PCM1: variants seen among roughly 807,000 people sequenced by gnomAD.
The protein encoded by PCM1 is pericentriolar material 1 protein.
A neutral mutation model predicts 241.9 loss-of-function variants in PCM1; 157 were observed. The ratio of observed to expected loss-of-function variants is 0.65; its 90% CI spans 0.57 to 0.74. The LOEUF is 0.74. Among genes scored for constraint, PCM1 ranks in the 30% least tolerant of loss-of-function variants. The pLI is 0.00. For synonymous variants in PCM1, 1,085 were observed against 784.9 expected, an observed-to-expected ratio of 1.38 and a Z score of -6.39; for missense variants, 3,478 against 2,360.1, an observed-to-expected ratio of 1.47 and a Z score of -9.81.
Position 17,938,842 on chromosome 8 carries a change from A to C in PCM1, c.445A>C (p.Asn149His). ...KPFNFLPMQI[N>H]TNKSKDASTN... ...CTTCAACTTTTTGCCTATGCAGATT[A>C]ATACTAACAAGAGCAAAGATGCATC... Residue 149 changes from asparagine (N) to histidine (H), a missense_variant, in exon 5 of 39, where the codon AAT (asparagine) becomes CAT (histidine). Transcript: ENST00000325083. The C allele has an allele frequency of 6.2e-7, 1 of 1,613,600 alleles. No homozygotes were observed. The highest frequency in any genetic ancestry group is 8.5e-7 in the Non-Finnish European group (1 of 1,179,480).
chr8:17,991,570 A>G lies in PCM1; in HGVS notation c.4560A>G (p.Ala1520=), dbSNP rs1489794576. Residue 1520 remains alanine (A), a synonymous_variant, in exon 28 of 39, where the codon GCA becomes GCG. Transcript: ENST00000325083. ...LGNTVIHLDQ[A]LARMREYERM... is the part of the protein sequence containing the mutation. The stretch of plus-strand genomic sequence containing the variant: ...ACACCGTGATTCACTTAGATCAAGC[A>G]TTAGCCAGAATGAGAGAATATGAGC... 6.9e-6 allele frequency: 11 copies of G among 1,602,580 alleles called. No individual in the cohort carries two copies. The highest frequency in any genetic ancestry group is 1.3e-5 in the African/African-American group (1 of 74,782).
Position 17,960,380 on chromosome 8 carries a change from G to C in PCM1, c.2258G>C (p.Arg753Thr). The change falls in exon 15 of 39, where the codon AGA becomes ACA. Residue 753 changes from arginine to threonine, a missense_variant. Arg to Thr is a moderately conservative substitution (Grantham distance 71, BLOSUM62 -1). Transcript: ENST00000325083. ...QRELKQLQEERKKLIDIQEKI... is the reference protein window; with the variant it reads ...QRELKQLQEETKKLIDIQEKI... ...GAGCTAAAACAATTGCAGGAAGAAA[G>C]AAAGAAACTGATTGACATTCAGGAG... 1 of 1,608,738 alleles carries C rather than the reference G, an allele frequency of 6.2e-7. No homozygotes were observed. Among genetic ancestry groups the C allele is most frequent in the Non-Finnish European group, 8.5e-7 (1 of 1,178,250 alleles).
At chr8:17,950,781 G>T in intron 8 of PCM1, 57 bp downstream of exon 8, 2 of 970,422 alleles carry the variant, frequency 2.1e-6, no homozygotes, top group South Asian at 2.8e-5. Context: ...TTAGAACAGT[G>T]ATTCAGAAAC....
chr8:17,991,292 C>G (rs959283435), intron 27 of PCM1, among the ~76,000 whole-genome samples: 2 of 152,022 alleles, frequency 1.3e-5, no homozygotes, highest in African/African-American at 4.8e-5. Context: ...ATTGAACTGT[C>G]TGTGAAAGCT....
At chr8:18,008,815 T>G (rs1252027056) in intron 30 of PCM1, among the ~76,000 whole-genome samples, 1 of 152,180 alleles carries the variant, frequency 6.6e-6, no homozygotes, top group Non-Finnish European at 1.5e-5. Context: ...TGATCTTTCC[T>G]AGTCATTTAC....
At chr8:18,019,936 C>T (rs1226023390) in intron 36 of PCM1, among the ~76,000 whole-genome samples, 1 of 152,122 alleles carries the variant, frequency 6.6e-6, no homozygotes, top group Non-Finnish European at 1.5e-5. Context: ...TCCCTAGGCC[C>T]ACAACTAAGG....
At chr8:17,927,306 T>A (rs868317364) in intron 2 of PCM1, 2 of 151,836 alleles carry the variant, frequency 1.3e-5, no homozygotes, top group African/African-American at 2.4e-5. Flanking sequence ...AATATTTGCG[T>A]TTTTAGTAGA....
Position 17,962,180 on chromosome 8 carries a change from G to A in PCM1, c.2463+6G>A, listed in dbSNP as rs1260448973. 4 of 1,596,140 alleles carry A rather than the reference G, an allele frequency of 2.5e-6. No individual in the cohort carries two copies. Among genetic ancestry groups the A allele is most frequent in the South Asian group, 2.3e-5 (2 of 88,786 alleles). On this transcript the variant is annotated splice_donor_region_variant and intron_variant, in intron 16 of 38. Transcript: ENST00000325083. ...CTTCAATAGTAGATAATGAGGTATT[G>A]TAAATTGTACTCTCTTGTTCCTGAG...
At chr8:17,949,042 C>T (rs146991216) in intron 7 of PCM1, among the ~76,000 whole-genome samples, 6 of 152,062 alleles carry the variant, frequency 3.9e-5, no homozygotes, top group Admixed American at 1.3e-4. Context: ...GGTCTTGTTT[C>T]TTTTTCTGAA....
intron 23 of PCM1, among the ~76,000 whole-genome samples, chr8:17,973,587 G>A (rs549820276): frequency 3.4e-4 from 52 of 151,940 alleles, no homozygotes; most frequent in African/African-American, 1.2e-3. Flanking sequence ...GGCATGGTGG[G>A]CGTGCCTGTA....
intron 23 of PCM1, among the ~76,000 whole-genome samples, chr8:17,973,499 A>G (rs970834519): frequency 6.6e-6 from 1 of 152,044 alleles, no homozygotes; most frequent in Non-Finnish European, 1.5e-5. Flanking sequence ...CAGGTGGATC[A>G]CCTGAGAGCA....
rs769535090 is a variant in PCM1, at chr8:17,937,319, C to T, written c.282C>T (p.Val94=). Residue 94 remains valine (V), a synonymous_variant, in exon 4 of 39, where the codon GTC becomes GTT. Transcript: ENST00000325083. ...GTAGATACATGAGTCAGATGTCTGT[C>T]CCAGAGCAGGCAGAATTAGAGAAAC... The part of the protein sequence containing the change: ...PHSRYMSQMS[V]PEQAELEKLK... The T allele has an allele frequency of 1.2e-6, 2 of 1,608,524 alleles. No individual in the cohort carries two copies. Among genetic ancestry groups the T allele is most frequent in the East Asian group, 2.2e-5 (1 of 44,808 alleles).
At chr8:17,987,947 A>G (rs528866427) in intron 26 of PCM1, among the ~76,000 whole-genome samples, 12 of 151,930 alleles carry the variant, frequency 7.9e-5, no homozygotes, top group South Asian at 2.1e-4. Flanking sequence ...AGATGCTTCT[A>G]TGCTTCTTGA....
chr8:17,991,578 G>T lies in PCM1; in HGVS notation c.4568G>T (p.Arg1523Ile). Reference protein sequence around the residue: ...TVIHLDQALARMREYERMKTE... With the variant: ...TVIHLDQALAIMREYERMKTE... ...ATTCACTTAGATCAAGCATTAGCCA[G>T]AATGAGAGAATATGAGCGTATGAAG... is the stretch of plus-strand genomic sequence containing the variant. The change falls in exon 28 of 39, where the codon AGA (arginine) becomes ATA (isoleucine). Residue 1523 changes from arginine to isoleucine, a missense_variant. Physicochemically the swap from Arg to Ile is moderately conservative, Grantham distance 97. Coordinates refer to ENST00000325083, the MANE Select transcript of PCM1 (RefSeq NM_006197.4). The T allele has an allele frequency of 1.2e-6, 2 of 1,601,630 alleles. No homozygotes were observed. Among genetic ancestry groups the T allele is most frequent in the Non-Finnish European group, 1.7e-6 (2 of 1,173,554 alleles).
chr8:17,980,877 G>A (rs1400425634), intron 24 of PCM1, 122 bp downstream of exon 24: 8 of 653,950 alleles, frequency 1.2e-5, no homozygotes, highest in Non-Finnish European at 2.0e-5. Flanking sequence ...AGGTTTTATA[G>A]TGGAAATTAT....
At chr8:18,009,929 C>A (rs1159052838) in intron 31 of PCM1, among the ~76,000 whole-genome samples, 185 bp downstream of exon 31, 1 of 152,126 alleles carries the variant, frequency 6.6e-6, no homozygotes, top group East Asian at 1.9e-4. Context: ...ACAGCAGTTG[C>A]TAAAGATCAG....
intron 26 of PCM1, among the ~76,000 whole-genome samples, chr8:17,986,639 A>G (rs1426723865): frequency 6.6e-6 from 1 of 151,778 alleles, no homozygotes; most frequent in Non-Finnish European, 1.5e-5. Flanking sequence ...GTGTCCTCCA[A>G]ATAGCACTTA....
intron 23 of PCM1, 167 bp from the exon 24 acceptor site, chr8:17,980,424 A>AT (rs2080302960): frequency 2.1e-6 from 1 of 482,210 alleles, no homozygotes; most frequent in East Asian, 3.2e-5. Flanking sequence ...TCCAAAGGGT[A>AT]TTGCAAAGAT....
In PCM1 at chr8:17,937,205, T is replaced by C; in HGVS notation, c.168T>C (p.Ser56=). The change falls in exon 4 of 39, where the codon AGT becomes AGC. Residue 56 remains serine (S), a synonymous_variant. Coordinates refer to ENST00000325083, the MANE Select transcript of PCM1 (RefSeq NM_006197.4). ...ATAAGAAAAAGTTTGGTGTAGAAAG[T>C]GATAAAAGAGTAACCAATGATATTT... ...EKNKKKFGVE[S]DKRVTNDISP... The C allele has an allele frequency of 1.9e-6, 3 of 1,602,818 alleles. No individual in the cohort carries two copies. Among genetic ancestry groups the C allele is most frequent in the Non-Finnish European group, 2.6e-6 (3 of 1,173,130 alleles).
Sources: allele counts gnomAD v4.1 joint callset (sites outside exome capture counted in the v4.1 genomes callset), GRCh38; gene constraint gnomAD v4.1.1; transcripts MANE v1.5; gene names NCBI Gene and HGNC (gene_info 2026-07-23, HGNC 2026-07-21).